The following NT5C3A variants were observed in gnomAD, a reference collection of about 807,000 sequenced individuals.
NT5C3A encodes the protein cytosolic 5'-nucleotidase 3A.
Under a neutral mutation model 40.0 loss-of-function variants are expected in NT5C3A, and 23 were observed. The observed-to-expected ratio is 0.58, with a 90% CI of 0.41 to 0.81. The LOEUF (loss-of-function observed/expected upper bound fraction) is 0.81, where lower values mean the gene tolerates loss of function less well. NT5C3A is among the 40% of genes least tolerant of loss of function. The pLI is 0.00. For synonymous variants in NT5C3A, 130 were observed against 141.4 expected (o/e 0.92, Z 0.57); for missense variants, 328 against 403.0 (o/e 0.81, Z 1.59).
rs987392136 is a variant in NT5C3A, at chr7:33,062,631, C to G, written c.75G>C (p.Val25=). 1 of 1,604,548 alleles carries G rather than the reference C, an allele frequency of 6.2e-7. No individual in the cohort carries two copies. Among genetic ancestry groups the G allele is most frequent in the African/African-American group, 1.3e-5 (1 of 74,512 alleles). ...TCAAGGTGAATATGTACTGAGCCAG[C>G]ACCACCCCCGCCACCAGGGCGCACA... The part of the protein sequence containing the change: ...ASVCALVAGV[V]LAQYIFTLKR... Residue 25 remains valine, a synonymous_variant, in exon 1 of 9, where the codon GTG becomes GTC. Transcript: ENST00000610140.
At chr7:33,022,378 A>G (rs2127996616) in intron 3 of NT5C3A, among the ~76,000 whole-genome samples, 1 of 152,348 alleles carries the variant, frequency 6.6e-6, no homozygotes, top group Admixed American at 6.5e-5. Context: ...ATCTTCAAAT[A>G]CTATGAACTG....
Position 33,062,729 on chromosome 7 carries a change from A to G in NT5C3A, c.-24T>C. The stretch of plus-strand genomic sequence containing the variant: ...ATGGACGGGGCCCTCATGCGCGTCC[A>G]AGCAGGAAAAAAACAGGCAGCTCGC... On this transcript the variant is annotated 5_prime_UTR_variant, in exon 1 of 9. Transcript: ENST00000610140. The G allele has an allele frequency of 2.6e-6, 4 of 1,552,218 alleles. No individual in the cohort carries two copies. Among genetic ancestry groups the G allele is most frequent in the Non-Finnish European group, 3.5e-6 (4 of 1,148,072 alleles).
At chr7:33,042,328 CA>C (rs201689684) in intron 1 of NT5C3A, among the ~76,000 whole-genome samples, 1 of 149,996 alleles carries the variant, frequency 6.7e-6, no homozygotes, top group African/African-American at 2.4e-5. Context: ...AAAACTGTCT[CA>C]AAAAAAACAA....
chr7:33,014,909 G>A, intron 8 of NT5C3A, 78 bp from the exon 9 acceptor site: 1 of 1,196,008 alleles, frequency 8.4e-7, no homozygotes, highest in African/African-American at 1.5e-5. Flanking sequence ...CTCGTTGTTA[G>A]ATCTCTTGGG....
Position 33,017,608 on chromosome 7 carries a change from G to T in NT5C3A, c.531-7C>A, listed in dbSNP as rs759305432. The T allele has an allele frequency of 6.2e-7, 1 of 1,608,650 alleles. No homozygotes were observed. The highest frequency in any genetic ancestry group is 1.1e-5 in the South Asian group (1 of 90,986). On this transcript the variant is annotated splice_polypyrimidine_tract_variant and splice_region_variant and intron_variant, in intron 6 of 8. Coordinates refer to ENST00000610140, the MANE Select transcript of NT5C3A (RefSeq NM_001002010.5). ...GAAATTCTCATATCCTTCTCTGTAAGATGGAGATAACAAACTGGTTATTAA... is the reference window on the plus strand; with the variant it reads ...GAAATTCTCATATCCTTCTCTGTAATATGGAGATAACAAACTGGTTATTAA...
At chr7:33,016,041 G>T in intron 7 of NT5C3A, 171 bp from the exon 8 acceptor site, 2 of 617,438 alleles carry the variant, frequency 3.2e-6, no homozygotes, top group South Asian at 1.9e-5. Context: ...TAGCTAAGAA[G>T]GGCTCGGAGA....
intron 1 of NT5C3A, among the ~76,000 whole-genome samples, chr7:33,034,922 T>C (rs1786500051): frequency 6.6e-6 from 1 of 152,212 alleles, no homozygotes; most frequent in Non-Finnish European, 1.5e-5. Context: ...TTTTTAATTG[T>C]TGTTTTTAAG....
chr7:33,019,257 A>T (rs1488172595), intron 6 of NT5C3A, among the ~76,000 whole-genome samples: 3 of 71,840 alleles, frequency 4.2e-5, no homozygotes, highest in South Asian at 3.3e-4. Flanking sequence ...CCCTGTCTTT[A>T]AAAAAAAAAA....
At chr7:33,054,165 G>T (rs1787481575) in intron 1 of NT5C3A, among the ~76,000 whole-genome samples, 1 of 151,964 alleles carries the variant, frequency 6.6e-6, no homozygotes, top group Non-Finnish European at 1.5e-5. Context: ...GACCAGGTGG[G>T]CAACATGGCA....
chr7:33,026,888 G>T lies in NT5C3A; in HGVS notation c.166C>A (p.Arg56=), dbSNP rs753346459. ...TCTACTCTTGTAGGGTTCTTGATTC[G>T]AACTGAACTTTTCTGGAATTCTGGC... ...MMPEFQKSSV[R]IKNPTRVEEI... The change falls in exon 2 of 9, where the codon CGA becomes AGA. Residue 56 remains arginine (R), a synonymous_variant. Transcript: ENST00000610140. 6.8e-6 allele frequency: 11 copies of T among 1,612,300 alleles called. No individual in the cohort carries two copies. Among genetic ancestry groups the T allele is most frequent in the Non-Finnish European group, 8.5e-6 (10 of 1,179,314 alleles).
At chr7:33,020,572 C>T (rs992742304) in intron 5 of NT5C3A, among the ~76,000 whole-genome samples, 6 of 152,150 alleles carry the variant, frequency 3.9e-5, no homozygotes, top group Admixed American at 3.9e-4. Flanking sequence ...TTTAGTACCA[C>T]AAATACAGAT....
At chr7:33,046,902 C>T (rs375730167) in intron 1 of NT5C3A, among the ~76,000 whole-genome samples, 2 of 150,282 alleles carry the variant, frequency 1.3e-5, no homozygotes, top group African/African-American at 4.9e-5. Flanking sequence ...TTCCCGGGTT[C>T]AAACAATTCT....
rs1322077546 is a variant in NT5C3A, at chr7:33,031,722, T to C, written c.139-4807A>G. 3.3e-5 allele frequency among the ~76,000 whole-genome samples: 5 copies of C among 152,320 alleles called. No homozygotes were observed. The East Asian group carries it at 9.6e-4, about 29-fold the overall frequency. ...ACTAAGGGTTATACAATCCACAATG[T>C]ACAGAGAAAACAATTCATATTTTAA... On this transcript the variant is annotated intron_variant, in intron 1 of 8. Transcript: ENST00000610140.
Position 33,017,471 on chromosome 7 carries a change from C to CT in NT5C3A, c.660dup (p.Val221SerfsTer9). The CT allele has an allele frequency of 2.5e-6, 4 of 1,613,236 alleles. No individual in the cohort carries two copies. The highest frequency in any genetic ancestry group is 1.7e-6 in the Non-Finnish European group (2 of 1,179,300). The stretch of plus-strand genomic sequence containing the variant: ...TCAAAATCCATAAAATTGGACACAA[C>CT]TTTGACATTGGGATGATAAACACCA... On this transcript the variant is annotated frameshift_variant, in exon 7 of 9. Transcript: ENST00000610140. LOFTEE classifies it high-confidence loss of function.
At chr7:33,050,203 A>G (rs954680734) in intron 1 of NT5C3A, among the ~76,000 whole-genome samples, 2 of 152,210 alleles carry the variant, frequency 1.3e-5, no homozygotes, top group Admixed American at 6.5e-5. Flanking sequence ...TACTTGGTCA[A>G]CGTAGGCACC....
intron 1 of NT5C3A, among the ~76,000 whole-genome samples, chr7:33,028,620 C>T (rs1786076420): frequency 6.6e-6 from 1 of 152,076 alleles, no homozygotes; most frequent in Admixed American, 6.6e-5. Flanking sequence ...CAAAAATTCC[C>T]TGGACCTTCT....
chr7:33,053,485 C>T (rs1190014686), intron 1 of NT5C3A, among the ~76,000 whole-genome samples: 5 of 151,992 alleles, frequency 3.3e-5, no homozygotes, highest in South Asian at 2.1e-4. Context: ...CGTGCCCAGC[C>T]ACAAGACCCT....
intron 1 of NT5C3A, among the ~76,000 whole-genome samples, chr7:33,028,879 T>C (rs3793329): frequency 0.72 from 109,704 of 151,536 alleles, 39,957 homozygotes; most frequent in African/African-American, 0.79. Context: ...CATGGTGAAA[T>C]ACTGTCTCTA....
chr7:33,046,277 C>T (rs993834314), intron 1 of NT5C3A, among the ~76,000 whole-genome samples: 2 of 152,160 alleles, frequency 1.3e-5, no homozygotes, highest in African/African-American at 4.8e-5. Flanking sequence ...AGGCTCACAT[C>T]TGTAATCCCA....
Sources: allele counts gnomAD v4.1 joint callset (sites outside exome capture counted in the v4.1 genomes callset), GRCh38; gene constraint gnomAD v4.1.1; transcripts MANE v1.5; gene names NCBI Gene and HGNC (gene_info 2026-07-23, HGNC 2026-07-21).